Variants in IKZF2 observed in about 807,000 individuals in gnomAD.
IKZF2 encodes IKAROS family zinc finger 2.
In IKZF2, 15 loss-of-function variants were observed where a neutral mutation model predicts 49.2. That is an observed-to-expected ratio of 0.30 (90% CI 0.20 to 0.47). IKZF2 has a LOEUF of 0.47. Among genes scored for constraint, IKZF2 ranks in the 20% least tolerant of loss-of-function variants. The probability of loss-of-function intolerance (pLI) is 1.00; values close to 1 mark genes in which losing one functional copy is unlikely to be tolerated. For synonymous variants in IKZF2, 227 were observed against 221.4 expected (o/e 1.03, Z -0.23); for missense variants, 567 against 664.6 (o/e 0.85, Z 1.61).
intron 6 of IKZF2, among the ~76,000 whole-genome samples, chr2:213,026,242 C>A (rs1468520196): frequency 6.6e-6 from 1 of 152,086 alleles, no homozygotes; most frequent in African/African-American, 2.4e-5. Context: ...CCTCCACATC[C>A]CTCCACTTCC....
intron 6 of IKZF2, among the ~76,000 whole-genome samples, chr2:213,042,522 C>T (rs1699761810): frequency 6.6e-6 from 1 of 152,096 alleles, no homozygotes; most frequent in African/African-American, 2.4e-5. Context: ...GCCAGTTTAC[C>T]TGCTATAATT....
At chr2:213,140,980 T>C (rs1055333127) in intron 4 of IKZF2, among the ~76,000 whole-genome samples, 1 of 152,000 alleles carries the variant, frequency 6.6e-6, no homozygotes, top group Non-Finnish European at 1.5e-5. Flanking sequence ...GCCTAATTGC[T>C]ATCCCTCTCC....
chr2:213,021,953 G>A, intron 7 of IKZF2, 40 bp downstream of exon 7: 1 of 1,579,264 alleles, frequency 6.3e-7, no homozygotes, highest in Non-Finnish European at 8.6e-7. Context: ...TACAAAAGCA[G>A]TAGGGGGAAA....
At chr2:213,056,488 T>C (rs116393426) in intron 5 of IKZF2, 23 of 382,604 alleles carry the variant, frequency 6.0e-5, no homozygotes, top group African/African-American at 4.8e-4. Context: ...TAGCAAACTA[T>C]ATTACCTGCC....
At chr2:213,087,618 A>AT (rs1335000294) in intron 4 of IKZF2, among the ~76,000 whole-genome samples, 1 of 152,076 alleles carries the variant, frequency 6.6e-6, no homozygotes, top group Non-Finnish European at 1.5e-5. Context: ...TACATTAGGT[A>AT]TATCTCCTAA....
chr2:213,014,060 G>T, intron 7 of IKZF2, 126 bp from the exon 8 acceptor site: 1 of 770,572 alleles, frequency 1.3e-6, no homozygotes, highest in South Asian at 1.8e-5. Context: ...CAAGTAGAAA[G>T]AATACCCTCT....
At chr2:213,012,220 T>C (rs1405454058) in intron 8 of IKZF2, among the ~76,000 whole-genome samples, 1 of 151,786 alleles carries the variant, frequency 6.6e-6, no homozygotes, top group Non-Finnish European at 1.5e-5. Flanking sequence ...TCTCAAATTC[T>C]TAATTAAAAA....
intron 4 of IKZF2, among the ~76,000 whole-genome samples, chr2:213,142,475 G>A (rs2060909474): frequency 6.6e-6 from 1 of 151,986 alleles, no homozygotes; most frequent in Non-Finnish European, 1.5e-5. Context: ...TAACTTGACT[G>A]CTCTGAGTAA....
intron 4 of IKZF2, among the ~76,000 whole-genome samples, chr2:213,134,137 G>A (rs1421149042): frequency 6.6e-6 from 1 of 152,170 alleles, no homozygotes; most frequent in African/African-American, 2.4e-5. Context: ...AAGTCTTCTG[G>A]AACCCTCAGT....
At chr2:213,077,809 C>T (rs1322117107) in intron 4 of IKZF2, among the ~76,000 whole-genome samples, 7 of 152,020 alleles carry the variant, frequency 4.6e-5, no homozygotes, top group Non-Finnish European at 2.9e-5. Flanking sequence ...AGGATGGTCT[C>T]GATCTCCTGA....
intron 7 of IKZF2, among the ~76,000 whole-genome samples, chr2:213,016,440 T>C (rs1196239544): frequency 6.6e-6 from 1 of 152,162 alleles, no homozygotes; most frequent in African/African-American, 2.4e-5. Context: ...AGGTCTGCCA[T>C]TGGGTAAAGA....
intron 4 of IKZF2, among the ~76,000 whole-genome samples, chr2:213,093,434 C>T (rs1232275130): frequency 6.6e-6 from 1 of 152,158 alleles, no homozygotes; most frequent in Non-Finnish European, 1.5e-5. Context: ...CTACTGCTAT[C>T]TGAGTGGCCC....
intron 4 of IKZF2, among the ~76,000 whole-genome samples, chr2:213,066,594 T>C (rs1201182337): frequency 2.6e-5 from 4 of 152,066 alleles, no homozygotes; most frequent in Non-Finnish European, 5.9e-5. Flanking sequence ...GTAAGATCTA[T>C]CAAGTAGTGA....
intron 4 of IKZF2, among the ~76,000 whole-genome samples, chr2:213,136,383 A>G (rs1419390956): frequency 9.0e-6 from 1 of 110,514 alleles, no homozygotes; most frequent in African/African-American, 2.6e-5. Context: ...AAAAAAAAAA[A>G]AAAAAAAAGA....
intron 4 of IKZF2, among the ~76,000 whole-genome samples, chr2:213,092,066 C>T (rs1461598645): frequency 5.9e-5 from 9 of 151,892 alleles, no homozygotes; most frequent in African/African-American, 1.9e-4. Context: ...CACTCTGTTG[C>T]CCAGGCTGGA....
At chr2:213,149,780 C>CA (rs1477832140) in intron 2 of IKZF2, among the ~76,000 whole-genome samples, 10 of 130,278 alleles carry the variant, frequency 7.7e-5, no homozygotes, top group Admixed American at 3.6e-4. Flanking sequence ...CTCCCTTACC[C>CA]CCCCCCCAAA....
intron 7 of IKZF2, 115 bp downstream of exon 7, chr2:213,021,878 C>T: frequency 9.1e-7 from 1 of 1,104,970 alleles, no homozygotes. Flanking sequence ...CAAAGCTCAA[C>T]TCATTTAAGT....
At chr2:213,147,472 T>G in intron 4 of IKZF2, 1 of 607,572 alleles carries the variant, frequency 1.6e-6, no homozygotes, top group Non-Finnish European at 2.9e-6. Context: ...CTTTCTTACC[T>G]GATACAGGTA....
Position 213,007,162 on chromosome 2 carries a change from T to C in IKZF2, c.*198A>G. ...GATAAAGAAACAATATTCCCGCCCC[T>C]TCTCTCTTCTGTTTCTTCCTTATCG... On this transcript the variant is annotated 3_prime_UTR_variant, in exon 9 of 9. Transcript: ENST00000434687. 1 of 549,964 alleles carries C rather than the reference T, an allele frequency of 1.8e-6. No individual in the cohort carries two copies. 34.1% of individuals were successfully genotyped at this position (549,964 alleles called of 1,614,324 possible).
Sources: allele counts gnomAD v4.1 joint callset (sites outside exome capture counted in the v4.1 genomes callset), GRCh38; gene constraint gnomAD v4.1.1; transcripts MANE v1.5; gene names NCBI Gene and HGNC (gene_info 2026-07-23, HGNC 2026-07-21).